The following KIAA1614 variants were observed in gnomAD, a reference collection of about 807,000 sequenced individuals.
KIAA1614 encodes the protein uncharacterized protein KIAA1614.
In KIAA1614, 76 loss-of-function variants were observed where a neutral mutation model predicts 88.7. That is an observed-to-expected ratio of 0.86 (90% CI 0.71 to 1.04). The LOEUF is 1.04. Among genes scored for constraint, KIAA1614 ranks in the 50% least tolerant of loss-of-function variants. The pLI is 0.00. For missense variants in KIAA1614, 1,553 were observed against 1,582.5 expected (o/e 0.98, Z 0.32); for synonymous variants, 714 against 675.5 (o/e 1.06, Z -0.88).
At chr1:180,944,659 C>A in intron 8 of KIAA1614, 143 bp downstream of exon 8, 1 of 914,164 alleles carries the variant, frequency 1.1e-6, no homozygotes. Context: ...TGTGTGGAGA[C>A]GAGGCTGCCA....
rs750746782 is a variant in KIAA1614, at chr1:180,947,924, C to T, written c.*2336C>T. 2.0e-5 allele frequency: 3 copies of T among 152,226 alleles called. No homozygotes were observed. Among genetic ancestry groups the T allele is most frequent in the Non-Finnish European group, 2.9e-5 (2 of 68,046 alleles). The allele number at this position is 152,226 out of a possible 1,614,324, so 9.4% of individuals were successfully genotyped here. On this transcript the variant is annotated 3_prime_UTR_variant, in exon 9 of 9. Transcript: ENST00000367588. ...ACCAGCGTGATCCGCATTCACCTGTCGATGTGAGTGCACACACAACAGGTC... is the reference window on the plus strand; with the variant it reads ...ACCAGCGTGATCCGCATTCACCTGTTGATGTGAGTGCACACACAACAGGTC...
intron 5 of KIAA1614, 21 bp downstream of exon 5, chr1:180,936,691 C>T (rs540156120): frequency 2.1e-6 from 3 of 1,445,070 alleles, no homozygotes; most frequent in Non-Finnish European, 2.7e-6. Context: ...GCCGCTGGTT[C>T]CTGCCCAGCC....
intron 6 of KIAA1614, among the ~76,000 whole-genome samples, chr1:180,939,318 A>G (rs1171809112): frequency 1.3e-5 from 2 of 152,210 alleles, no homozygotes; most frequent in Non-Finnish European, 2.9e-5. Context: ...TCTGCTCTCC[A>G]GAACTTCAGA....
In KIAA1614 at chr1:180,917,881, C is replaced by T. The variant is rs778139209; in HGVS notation, c.1028C>T (p.Ser343Leu). 2.0e-5 allele frequency: 32 copies of T among 1,613,852 alleles called. No individual in the cohort carries two copies. Among genetic ancestry groups the T allele is most frequent in the East Asian group, 1.1e-4 (5 of 44,888 alleles). The change falls in exon 3 of 9, where the codon TCG becomes TTG. Residue 343 changes from serine (S) to leucine (L), a missense_variant. By Grantham distance (145) the Ser-to-Leu change is moderately radical (BLOSUM62 -2). Coordinates refer to ENST00000367588, the MANE Select transcript of KIAA1614 (RefSeq NM_020950.2). Reference protein sequence around the residue: ...ERPVGDVDWASGTSLQDSGQN... With the variant: ...ERPVGDVDWALGTSLQDSGQN... ...CCAGTGGGGGATGTGGACTGGGCCT[C>T]GGGCACCTCCTTGCAGGACTCCGGC...
intron 3 of KIAA1614, among the ~76,000 whole-genome samples, chr1:180,925,718 T>C (rs1446207154): frequency 3.3e-5 from 5 of 152,198 alleles, no homozygotes; most frequent in Non-Finnish European, 7.3e-5. Flanking sequence ...CGCTGCCCTT[T>C]GTCCTTGTGA....
At position 180,935,575 on chromosome 1, in the gene KIAA1614, G is replaced by A. The variant is rs1183965740; in HGVS notation, c.1666G>A (p.Val556Ile). The change falls in exon 5 of 9, where the codon GTC (valine) becomes ATC (isoleucine). Residue 556 changes from valine (V) to isoleucine (I), a missense_variant. Val to Ile is a conservative substitution (Grantham distance 29). Transcript: ENST00000367588. This position sits in a 1 kb window ranked among gnomAD's most constrained non-coding sequence, Gnocchi z 6.1. ...CCCCGCCCAGGGGAAGGCGCCCCCC[G>A]TCCCCAGGACCCTCCAGGAGCTCCA... is the stretch of plus-strand genomic sequence containing the variant. Reference protein sequence around the residue: ...PRPAQGKAPPVPRTLQELQAA... With the variant: ...PRPAQGKAPPIPRTLQELQAA... 9.3e-6 allele frequency: 15 copies of A among 1,605,382 alleles called. 1 individual carries two copies. Among genetic ancestry groups the A allele is most frequent in the Middle Eastern group, 1.7e-4 (1 of 5,970 alleles).
In KIAA1614 at chr1:180,950,365, C is replaced by T; in HGVS notation, c.*4777C>T. Reference sequence around the variant, plus strand: ...GGATCTACGTGCAGGAGATGGCTGACATGAGCATGGCCAAGCTGTACTCAG... The same window carrying T: ...GGATCTACGTGCAGGAGATGGCTGATATGAGCATGGCCAAGCTGTACTCAG... On this transcript the variant is annotated 3_prime_UTR_variant, in exon 9 of 9. Transcript: ENST00000367588. 1.6e-6 allele frequency: 2 copies of T among 1,227,432 alleles called. No homozygotes were observed. The highest frequency in any genetic ancestry group is 1.6e-5 in the African/African-American group (1 of 62,224). 76.0% of individuals were successfully genotyped at this position (1,227,432 alleles called of 1,614,324 possible).
rs909402780 is a variant in KIAA1614 at position 180,936,159 on chromosome 1, C to T, written c.2250C>T (p.Thr750=). The part of the protein sequence containing the change: ...RTPCRTAYAT[T]APMTPESSGP... ...CATGCAGGACAGCCTATGCCACCAC[C>T]GCCCCCATGACGCCTGAATCATCGG... The change falls in exon 5 of 9, where the codon ACC becomes ACT. Residue 750 remains threonine (T), a synonymous_variant. Coordinates refer to ENST00000367588, the MANE Select transcript of KIAA1614 (RefSeq NM_020950.2). 3.1e-6 allele frequency: 5 copies of T among 1,614,040 alleles called. No homozygotes were observed. Among genetic ancestry groups the T allele is most frequent in the African/African-American group, 2.7e-5 (2 of 74,922 alleles).
intron 7 of KIAA1614, chr1:180,943,997 A>C (rs1654528449): frequency 6.3e-6 from 1 of 158,208 alleles, no homozygotes; most frequent in African/African-American, 2.4e-5. Flanking sequence ...TTTTGCACGA[A>C]AGCAATCATA....
intron 3 of KIAA1614, among the ~76,000 whole-genome samples, chr1:180,921,623 G>A (rs1396393314): frequency 6.6e-6 from 1 of 152,160 alleles, no homozygotes; most frequent in African/African-American, 2.4e-5. Context: ...AGGGATCTGG[G>A]GGTCTCCTTC....
In KIAA1614 at chr1:180,916,851, A is replaced by G; in HGVS notation, c.748A>G (p.Thr250Ala). 1 of 1,614,206 alleles carries G rather than the reference A, an allele frequency of 6.2e-7. No individual in the cohort carries two copies. The highest frequency in any genetic ancestry group is 8.5e-7 in the Non-Finnish European group (1 of 1,180,036). The part of the protein sequence containing the change: ...RSYPFPDGVV[T>A]EADLDSTSLT... ...CTACCCTTTTCCAGATGGCGTGGTG[A>G]CAGAGGCAGATCTGGATAGCACATC... The change falls in exon 2 of 9, where the codon ACA (threonine) becomes GCA (alanine). Residue 250 changes from threonine to alanine, a missense_variant. Thr to Ala is a moderately conservative substitution (Grantham distance 58). Transcript: ENST00000367588.
chr1:180,914,364 A>G (rs895799680), intron 1 of KIAA1614, among the ~76,000 whole-genome samples: 1 of 152,222 alleles, frequency 6.6e-6, no homozygotes, highest in Non-Finnish European at 1.5e-5. Flanking sequence ...CTGGGGATGG[A>G]ACATTATCAT....
rs1316839181 is a variant in KIAA1614 at position 180,916,941 on chromosome 1, G to C, written c.838G>C (p.Asp280His). ...GCTGGGTGAGCGCTGGAGAGCTGGA[G>C]ACCTGGAGGCTCTGGGCGCTGGGAG... ...ALLGERWRAG[D>H]LEALGAGSSV... The change falls in exon 2 of 9, where the codon GAC (aspartate) becomes CAC (histidine). Residue 280 changes from aspartate (D) to histidine (H), a missense_variant. Transcript: ENST00000367588. 6 of 1,614,136 alleles carry C rather than the reference G, an allele frequency of 3.7e-6. No individual in the cohort carries two copies. The East Asian group carries it at 1.3e-4, about 36-fold the overall frequency.
chr1:180,923,488 G>A (rs1051898117), intron 3 of KIAA1614, among the ~76,000 whole-genome samples: 3 of 152,218 alleles, frequency 2.0e-5, no homozygotes, highest in African/African-American at 7.2e-5. Context: ...GCTCCCCTGC[G>A]AGCTGGCCAC....
At chr1:180,938,802 C>A in intron 6 of KIAA1614, 91 bp downstream of exon 6, 1 of 1,210,498 alleles carries the variant, frequency 8.3e-7, no homozygotes, top group Non-Finnish European at 1.2e-6. Context: ...GGTGGCATGA[C>A]CCACCTCCCT....
intron 7 of KIAA1614, among the ~76,000 whole-genome samples, chr1:180,943,547 G>GTTTTTTTTTTTTTTTTTTT (rs1558073455): frequency 6.4e-5 from 1 of 15,622 alleles, no homozygotes; most frequent in Admixed American, 7.4e-4. Context: ...AATGGTAGTA[G>GTTTTTTTTTTTTTTTTTTT]ATCTTTTTTT....
intron 1 of KIAA1614, chr1:180,913,987 A>G (rs1341073967): frequency 6.6e-6 from 1 of 152,216 alleles, no homozygotes; most frequent in African/African-American, 2.4e-5. Context: ...TTTATAAAAT[A>G]TGTGCATTCC....
intron 3 of KIAA1614, among the ~76,000 whole-genome samples, chr1:180,919,947 G>C (rs1279278931): frequency 6.6e-6 from 1 of 152,204 alleles, no homozygotes; most frequent in African/African-American, 2.4e-5. Context: ...AGGTCTCTTA[G>C]TGAGTTTTAG....
In KIAA1614 at chr1:180,951,045, C is replaced by T. The variant is rs3820313; in HGVS notation, c.*5457C>T. ...AAATGGGCAAAGTGTCCCGGAATAC[C>T]AGCCTTACAGCCATTGACCATATAT... is the stretch of plus-strand genomic sequence containing the variant. On this transcript the variant is annotated 3_prime_UTR_variant, in exon 9 of 9. Transcript: ENST00000367588. The T allele has an allele frequency of 0.31, 46,819 of 152,140 alleles. 7,247 individuals are homozygous for T. The highest frequency in any genetic ancestry group is 0.36 in the Middle Eastern group (106 of 294). The allele number at this position is 152,140 out of a possible 1,614,324, so 9.4% of individuals were successfully genotyped here.
Sources: allele counts gnomAD v4.1 joint callset (sites outside exome capture counted in the v4.1 genomes callset), GRCh38; gene constraint gnomAD v4.1.1; non-coding constraint Gnocchi (gnomAD v3.1); transcripts MANE v1.5; gene names NCBI Gene and HGNC (gene_info 2026-07-23, HGNC 2026-07-21).